The following PRELID2 variants were observed in gnomAD, a reference collection of about 807,000 sequenced individuals.
PRELID2 encodes the protein PRELI domain containing 2, also known as PRELI domain-containing protein 2.
Under a neutral mutation model 28.4 loss-of-function variants are expected in PRELID2, and 25 were observed. The ratio of observed to expected loss-of-function variants is 0.88; its 90% confidence interval spans 0.64 to 1.23. PRELID2 has a LOEUF of 1.23. Ranked by LOEUF, PRELID2 falls within the 50% of genes most tolerant of loss-of-function variation. The pLI is 0.00. For synonymous variants in PRELID2, 76 were observed against 71.6 expected (o/e 1.06, Z -0.31); for missense variants, 201 against 214.4 (o/e 0.94, Z 0.39).
intron 4 of PRELID2, among the ~76,000 whole-genome samples, chr5:145,805,714 C>A (rs779527163): frequency 2.6e-5 from 4 of 152,146 alleles, no homozygotes; most frequent in African/African-American, 4.8e-5. Context: ...ACAACTTCAT[C>A]GTTGTGCAAA....
chr5:145,617,000 A>C (rs1753707651), intron 1 of PRELID2, among the ~76,000 whole-genome samples: 1 of 152,196 alleles, frequency 6.6e-6, no homozygotes, highest in Admixed American at 6.5e-5. Context: ...TTCCTTGCTG[A>C]GAAAAAGAAT....
chr5:145,598,149 T>A (rs1408929011), intron 1 of PRELID2, among the ~76,000 whole-genome samples: 2 of 152,132 alleles, frequency 1.3e-5, no homozygotes, highest in South Asian at 4.1e-4. Context: ...AACTTTGTGA[T>A]CCGGAGGGAA....
the PRELID2 span, among the ~76,000 whole-genome samples, chr5:145,308,980 G>A: frequency 6.6e-6 from 1 of 152,172 alleles, no homozygotes; most frequent in Non-Finnish European, 1.5e-5. Flanking sequence ...ATTCAAGAAT[G>A]TATTGGACAG....
chr5:145,470,732 G>T (rs192210954), downstream of PRELID2, among the ~76,000 whole-genome samples: 1 of 152,152 alleles, frequency 6.6e-6, no homozygotes, highest in African/African-American at 2.4e-5. Flanking sequence ...TTACAGATAG[G>T]GAGACAGAAA....
chr5:145,705,682 T>C (rs1490859296), intron 1 of PRELID2, among the ~76,000 whole-genome samples: 3 of 152,172 alleles, frequency 2.0e-5, no homozygotes, highest in Non-Finnish European at 4.4e-5. Flanking sequence ...TTGTAGGCCA[T>C]ATGATACCTG....
Position 145,644,354 on chromosome 5 carries a change from T to C in PRELID2, n.70+120577A>G, listed in dbSNP as rs554690329. Among the ~76,000 whole-genome samples, 8 of 152,316 alleles carry C rather than the reference T, an allele frequency of 5.3e-5. No individual in the cohort carries two copies. The East Asian group carries it at 1.5e-3, about 29-fold the overall frequency. On this transcript the variant is annotated intron_variant and non_coding_transcript_variant, in intron 1 of 2. Transcript: ENST00000510259. The stretch of plus-strand genomic sequence containing the variant: ...GTTTGCATTTCTGTGGGATCAGTGG[T>C]GATACTCCCTTTATCATTTTTTATT...
rs3038407 is a variant in PRELID2, at chr5:145,790,891, G to GTATATATATATATA, written c.474+5537_474+5550dup. Among the ~76,000 whole-genome samples the GTATATATATATATA allele has an allele frequency of 2.8e-5, 4 of 141,410 alleles. No homozygotes were observed. The East Asian group carries it at 6.2e-4, about 22-fold the overall frequency. 92.8% of individuals were successfully genotyped at this position (141,410 alleles called of 152,430 possible). On this transcript the variant is annotated intron_variant, in intron 5 of 6. Coordinates refer to ENST00000683046, the MANE Select transcript of PRELID2 (RefSeq NM_205846.3). ...ATTAATCCAGCAATTTCACTTCTGG[G>GTATATATATATATA]TATATATATATATATATATACCAAA...
the PRELID2 span, among the ~76,000 whole-genome samples, chr5:145,427,613 G>A: frequency 2.6e-5 from 4 of 152,152 alleles, no homozygotes; most frequent in Admixed American, 6.6e-5. Flanking sequence ...GCACTTGTGC[G>A]GGATGCTGTT....
At chr5:145,254,601 G>C in the PRELID2 span, among the ~76,000 whole-genome samples, 1 of 152,028 alleles carries the variant, frequency 6.6e-6, no homozygotes, top group Admixed American at 6.6e-5. Flanking sequence ...CAGGTCATGG[G>C]GGCCTTACAC....
the PRELID2 span, among the ~76,000 whole-genome samples, chr5:145,235,329 GT>G: frequency 6.6e-6 from 1 of 152,108 alleles, no homozygotes; most frequent in Non-Finnish European, 1.5e-5. Context: ...AAGGTGTACA[GT>G]TGTTGGAGAA....
At chr5:145,719,695 A>G (rs1406027163) in intron 1 of PRELID2, among the ~76,000 whole-genome samples, 1 of 152,036 alleles carries the variant, frequency 6.6e-6, no homozygotes, top group African/African-American at 2.4e-5. Context: ...AAGAATCTAC[A>G]TTTATACAAA....
chr5:145,645,622 A>C (rs1754184817), intron 1 of PRELID2, among the ~76,000 whole-genome samples: 1 of 152,028 alleles, frequency 6.6e-6, no homozygotes, highest in Admixed American at 6.6e-5. Context: ...CAGTTTCTTC[A>C]TAGTGTCGAC....
At chr5:145,563,634 C>T (rs1434693415) in intron 1 of PRELID2, among the ~76,000 whole-genome samples, 2 of 152,168 alleles carry the variant, frequency 1.3e-5, no homozygotes, top group African/African-American at 2.4e-5. Flanking sequence ...TTTCTTGACA[C>T]TGTCACTGAA....
chr5:145,335,021 T>A, the PRELID2 span, among the ~76,000 whole-genome samples: 1 of 152,258 alleles, frequency 6.6e-6, no homozygotes, highest in Non-Finnish European at 1.5e-5. Context: ...CCAATATTTG[T>A]GAAGATTTTG....
At chr5:145,526,810 A>G (rs1023578814) in intron 1 of PRELID2, among the ~76,000 whole-genome samples, 2 of 152,192 alleles carry the variant, frequency 1.3e-5, no homozygotes, top group Non-Finnish European at 2.9e-5. Context: ...AGGAGCAGGA[A>G]AGATGACTTC....
the PRELID2 span, among the ~76,000 whole-genome samples, chr5:145,374,894 A>C: frequency 6.6e-6 from 1 of 152,050 alleles, no homozygotes; most frequent in Non-Finnish European, 1.5e-5. Flanking sequence ...TCCTTTTATT[A>C]AGGTTCTTAG....
At chr5:145,625,375 A>G (rs1753831673) in intron 1 of PRELID2, among the ~76,000 whole-genome samples, 6 of 152,172 alleles carry the variant, frequency 3.9e-5, no homozygotes, top group Non-Finnish European at 7.4e-5. Context: ...GAATTGTTAT[A>G]TAGCAATGAA....
chr5:145,424,769 T>C, the PRELID2 span, among the ~76,000 whole-genome samples: 6 of 151,920 alleles, frequency 3.9e-5, no homozygotes, highest in Non-Finnish European at 8.8e-5. Context: ...AAAAATTAAC[T>C]CCAGATGGAT....
At chr5:145,559,911 A>G (rs562007396) in intron 1 of PRELID2, among the ~76,000 whole-genome samples, 1 of 152,252 alleles carries the variant, frequency 6.6e-6, no homozygotes, top group East Asian at 1.9e-4. Flanking sequence ...AAAGACACTA[A>G]CATACAGATG....
Sources: gnomAD v4.1 joint callset for allele counts (sites outside exome capture counted in the v4.1 genomes callset) on GRCh38, gnomAD v4.1.1 for gene constraint, MANE v1.5 for transcripts, NCBI Gene and HGNC (gene_info 2026-07-23, HGNC 2026-07-21) for gene names.